The following ITGA1 variants were observed in gnomAD, a reference collection of about 807,000 sequenced individuals.
The protein encoded by ITGA1 is integrin alpha-1.
ITGA1 carries 85 observed loss-of-function variants against 145.9 expected under a neutral mutation model. The ratio of observed to expected loss-of-function variants is 0.58; its 90% CI spans 0.49 to 0.70. ITGA1 has a LOEUF of 0.70. Ranked by LOEUF, ITGA1 falls within the 30% of genes least tolerant of loss-of-function variation. The pLI is 0.00. For missense variants in ITGA1, 1,351 were observed against 1,418.7 expected, an observed-to-expected ratio of 0.95 and a Z score of 0.77; for synonymous variants, 520 against 495.3, an observed-to-expected ratio of 1.05 and a Z score of -0.66.
intron 1 of ITGA1, among the ~76,000 whole-genome samples, chr5:52,799,006 C>T (rs1170452370): frequency 6.6e-6 from 1 of 152,148 alleles, no homozygotes; most frequent in East Asian, 1.9e-4. Context: ...TTTCCTTCCA[C>T]ACGCCTATGC....
rs1748492726 is a variant in ITGA1 at position 52,801,763 on chromosome 5, G to A, written c.61+13349G>A. ...TGGGGAACAGCTCAGCCAGTTGACT[G>A]GGGTAGCTGCCATTCTCCGCTTCCC... On this transcript the variant is annotated intron_variant, in intron 1 of 28. Transcript: ENST00000282588. 3 of 1,614,058 alleles carry A rather than the reference G, an allele frequency of 1.9e-6. No homozygotes were observed. The highest frequency in any genetic ancestry group is 2.5e-6 in the Non-Finnish European group (3 of 1,179,940).
Position 52,882,687 on chromosome 5 carries a change from C to T in ITGA1, c.773+666C>T, listed in dbSNP as rs138872668. Among the ~76,000 whole-genome samples, 11 of 152,246 alleles carry T rather than the reference C, an allele frequency of 7.2e-5. No individual in the cohort carries two copies. The South Asian group carries it at 1.0e-3, about 14-fold the overall frequency. On this transcript the variant is annotated intron_variant, in intron 7 of 28. Transcript: ENST00000282588. ...GTGGTTGAATTTCATTTTATAAGAA[C>T]GAACAGAATTGTCCTCTCTTACAAA...
chr5:52,801,273 G>A (rs1202398688), intron 1 of ITGA1: 12 of 1,138,368 alleles, frequency 1.1e-5, no homozygotes, highest in Non-Finnish European at 1.4e-5. Flanking sequence ...AATGTTAAAT[G>A]TCTAGCAAAT....
intron 8 of ITGA1, among the ~76,000 whole-genome samples, chr5:52,890,829 C>A (rs1168900591): frequency 4.6e-5 from 7 of 152,156 alleles, no homozygotes; most frequent in Non-Finnish European, 8.8e-5. Context: ...TTCCTTCCAT[C>A]TAATTATAGT....
intron 8 of ITGA1, among the ~76,000 whole-genome samples, chr5:52,891,260 T>TC (rs1236091565): frequency 9.2e-5 from 10 of 109,010 alleles, no homozygotes; most frequent in Non-Finnish European, 1.9e-4. Flanking sequence ...TGTTTTTTTT[T>TC]TCTTTTTTTT....
rs1750090159 is a variant in ITGA1 at position 52,888,439 on chromosome 5, T to A, written c.924+474T>A. On this transcript the variant is annotated intron_variant, in intron 8 of 28. Transcript: ENST00000282588. ...CCCGTCTGAGCAATTTTCGACTCTC[T>A]TTTTCATTAATTATCTTCCCCCATC... Among the ~76,000 whole-genome samples, 7 of 152,190 alleles carry A rather than the reference T, an allele frequency of 4.6e-5. No individual in the cohort carries two copies. The South Asian group carries it at 1.5e-3, about 32-fold the overall frequency.
chr5:52,882,147 A>C, intron 7 of ITGA1, 126 bp downstream of exon 7: 1 of 721,176 alleles, frequency 1.4e-6, no homozygotes, highest in Non-Finnish European at 2.1e-6. Context: ...TTAAAATGAG[A>C]TTCAGAAGAT....
rs115465721 is a variant in ITGA1, at chr5:52,853,043, T to G, written c.182+3558T>G. Among the ~76,000 whole-genome samples the G allele has an allele frequency of 6.6e-5, 10 of 152,296 alleles. No individual in the cohort carries two copies. In the South Asian group the frequency reaches 1.9e-3, roughly 28 times the overall value. On this transcript the variant is annotated intron_variant, in intron 2 of 28. Transcript: ENST00000282588. ...TATCTTTGTGGTAGGTACCAGACTT[T>G]ACATATTAATATGTGTGTAAGTTTG...
intron 2 of ITGA1, among the ~76,000 whole-genome samples, chr5:52,853,534 C>T (rs1749459560): frequency 6.6e-6 from 1 of 152,254 alleles, no homozygotes; most frequent in Admixed American, 6.5e-5. Context: ...GACTATAGTA[C>T]GCCTATAGAA....
intron 24 of ITGA1, among the ~76,000 whole-genome samples, chr5:52,938,963 C>T (rs745346053): frequency 4.6e-5 from 7 of 151,916 alleles, no homozygotes; most frequent in African/African-American, 9.7e-5. Context: ...AGTGCAGTGG[C>T]GCGATCTTGG....
intron 2 of ITGA1, among the ~76,000 whole-genome samples, chr5:52,858,086 A>G (rs1176560071): frequency 6.6e-6 from 1 of 152,144 alleles, no homozygotes; most frequent in Non-Finnish European, 1.5e-5. Context: ...CCTCATCTGG[A>G]TTACTTTAGG....
At chr5:52,853,566 C>T (rs1414409654) in intron 2 of ITGA1, among the ~76,000 whole-genome samples, 1 of 152,156 alleles carries the variant, frequency 6.6e-6, no homozygotes, top group Non-Finnish European at 1.5e-5. Flanking sequence ...TAGCCCATGA[C>T]AAGTACAGTC....
At chr5:52,852,872 G>A (rs1749450155) in intron 2 of ITGA1, among the ~76,000 whole-genome samples, 1 of 152,136 alleles carries the variant, frequency 6.6e-6, no homozygotes, top group South Asian at 2.1e-4. Flanking sequence ...TTAAAAAAAA[G>A]CTGCATAAAA....
At chr5:52,889,107 C>A (rs1397112387) in intron 8 of ITGA1, among the ~76,000 whole-genome samples, 2 of 88,118 alleles carry the variant, frequency 2.3e-5, no homozygotes, top group Non-Finnish European at 5.7e-5. Context: ...AACTACTATC[C>A]ATTTTTTTTT....
At chr5:52,888,094 C>G (rs1750083287) in intron 8 of ITGA1, 129 bp downstream of exon 8, 1 of 893,220 alleles carries the variant, frequency 1.1e-6, no homozygotes, top group Non-Finnish European at 1.6e-6. Flanking sequence ...GAAGGTAAGC[C>G]CTGGGAGGAC....
intron 21 of ITGA1, among the ~76,000 whole-genome samples, chr5:52,930,532 A>G (rs927388390): frequency 1.3e-5 from 2 of 152,174 alleles, no homozygotes; most frequent in Non-Finnish European, 2.9e-5. Flanking sequence ...AACCTGGGAT[A>G]GAATAAAAAC....
chr5:52,932,356 C>T lies in ITGA1; in HGVS notation c.2861+220C>T, dbSNP rs1750905442. 5 of 436,422 alleles carry T rather than the reference C, an allele frequency of 1.1e-5. No homozygotes were observed. In the East Asian group the frequency reaches 1.8e-4, roughly 16 times the overall value. The allele number at this position is 436,422 out of a possible 1,614,324, so 27.0% of individuals were successfully genotyped here. On this transcript the variant is annotated intron_variant, in intron 22 of 28. Transcript: ENST00000282588. ...ATCCTAATGTTTGAGAACCATTATA[C>T]TAAATAACCCAAAGTGTTAGGTGTT...
intron 11 of ITGA1, chr5:52,904,225 G>C (rs1277305254): frequency 1.3e-5 from 2 of 152,212 alleles, no homozygotes; most frequent in African/African-American, 2.4e-5. Flanking sequence ...TGATCTTAAA[G>C]GTTTGTATGT....
At chr5:52,900,085 G>A (rs1750291147) in intron 11 of ITGA1, among the ~76,000 whole-genome samples, 1 of 152,154 alleles carries the variant, frequency 6.6e-6, no homozygotes, top group Non-Finnish European at 1.5e-5. Context: ...TTTTTTGGGT[G>A]AGAGACAATA....
Sources: allele counts gnomAD v4.1 joint callset (sites outside exome capture counted in the v4.1 genomes callset), GRCh38; gene constraint gnomAD v4.1.1; transcripts MANE v1.5; gene names NCBI Gene and HGNC (gene_info 2026-07-23, HGNC 2026-07-21).